GLIS3: variants seen among roughly 807,000 people sequenced by gnomAD.
GLIS3 encodes the protein zinc finger protein GLIS3.
Under a neutral mutation model 78.6 loss-of-function variants are expected in GLIS3, and 53 were observed. The observed-to-expected ratio is 0.67, with a 90% CI of 0.54 to 0.85. The LOEUF (loss-of-function observed/expected upper bound fraction) is 0.85, where lower values mean the gene tolerates loss of function less well. GLIS3 is among the 40% of genes least tolerant of loss of function. GLIS3 has a pLI of 0.00. For synonymous variants in GLIS3, 684 were observed against 509.9 expected, an observed-to-expected ratio of 1.34 and a Z score of -4.60; for missense variants, 1,703 against 1,231.1, an observed-to-expected ratio of 1.38 and a Z score of -5.74.
chr9:4,479,533 C>A, the GLIS3 span, among the ~76,000 whole-genome samples: 254 of 152,318 alleles, frequency 1.7e-3, 2 homozygotes, highest in African/African-American at 5.6e-3. Flanking sequence ...GGCCAGTTCA[C>A]AGAGGTTCCC....
At chr9:4,483,999 C>A in the GLIS3 span, among the ~76,000 whole-genome samples, 8 of 152,154 alleles carry the variant, frequency 5.3e-5, no homozygotes, top group African/African-American at 1.9e-4. Flanking sequence ...CTTAGAAGAG[C>A]GCCTGGTATA....
At chr9:4,253,072 G>A (rs534244186) in intron 2 of GLIS3, among the ~76,000 whole-genome samples, 7 of 152,362 alleles carry the variant, frequency 4.6e-5, no homozygotes, top group East Asian at 1.9e-4. Context: ...GGTGTCTCAC[G>A]ATTAGGAGGC....
chr9:4,270,884 G>C (rs963017428), intron 2 of GLIS3, among the ~76,000 whole-genome samples: 4 of 140,940 alleles, frequency 2.8e-5, no homozygotes, highest in Non-Finnish European at 6.0e-5. Context: ...CTCTCAATCT[G>C]TGTGGTGTGT....
chr9:3,948,729 A>C (rs539567358), intron 4 of GLIS3, among the ~76,000 whole-genome samples: 1 of 152,348 alleles, frequency 6.6e-6, no homozygotes, highest in Admixed American at 6.5e-5. Context: ...TGGCCTTTGC[A>C]TTGAATTTAA....
At chr9:4,165,989 GCA>G (rs988979264) in intron 2 of GLIS3, among the ~76,000 whole-genome samples, 1 of 152,176 alleles carries the variant, frequency 6.6e-6, no homozygotes, top group Non-Finnish European at 1.5e-5. Context: ...GGGGAACAGA[GCA>G]CAATATTTAA....
intron 2 of GLIS3, among the ~76,000 whole-genome samples, chr9:4,262,709 T>G (rs1386962810): frequency 1.3e-5 from 2 of 152,168 alleles, no homozygotes; most frequent in Non-Finnish European, 2.9e-5. Flanking sequence ...CTATGCAGCT[T>G]TTCTAACTTT....
chr9:3,891,162 T>G (rs1446068091), intron 7 of GLIS3, among the ~76,000 whole-genome samples: 1 of 152,034 alleles, frequency 6.6e-6, no homozygotes, highest in Non-Finnish European at 1.5e-5. Context: ...TCTCTAATTT[T>G]CAGAACTATA....
chr9:4,382,283 G>C, the GLIS3 span, among the ~76,000 whole-genome samples: 1 of 152,110 alleles, frequency 6.6e-6, no homozygotes, highest in Non-Finnish European at 1.5e-5. Context: ...CATTTCGTTT[G>C]TTCCAGAAGA....
intron 4 of GLIS3, among the ~76,000 whole-genome samples, chr9:4,090,413 A>T (rs1564031782): frequency 6.6e-6 from 1 of 152,136 alleles, no homozygotes; most frequent in Non-Finnish European, 1.5e-5. Flanking sequence ...CCAGGATGTG[A>T]CAAAGAATCT....
rs759931387 is a variant in GLIS3, at chr9:3,977,502, G to A, written c.1711-40313C>T. Among the ~76,000 whole-genome samples, 1 of 152,120 alleles carries A rather than the reference G, an allele frequency of 6.6e-6. No individual in the cohort carries two copies. Among genetic ancestry groups the A allele is most frequent in the Admixed American group, 6.5e-5 (1 of 15,278 alleles). On this transcript the variant is annotated intron_variant, in intron 4 of 10. Coordinates refer to ENST00000381971, the MANE Select transcript of GLIS3 (RefSeq NM_001042413.2). This position sits in a 1 kb window ranked among gnomAD's most constrained non-coding sequence, Gnocchi z 4.1. Reference sequence around the variant, plus strand: ...ATTTATTGAATTCCTTTTGGCACCCGGCACAGCTTAGCAATTTTGAGAGCC... The same window carrying A: ...ATTTATTGAATTCCTTTTGGCACCCAGCACAGCTTAGCAATTTTGAGAGCC...
chr9:3,937,446 G>C (rs1021462491), intron 4 of GLIS3, among the ~76,000 whole-genome samples: 4 of 152,148 alleles, frequency 2.6e-5, no homozygotes, highest in African/African-American at 9.7e-5. Context: ...TTATGTCAGA[G>C]AAAATTCACC....
At chr9:4,260,682 G>C (rs1439037095) in intron 2 of GLIS3, among the ~76,000 whole-genome samples, 1 of 152,028 alleles carries the variant, frequency 6.6e-6, no homozygotes, top group Non-Finnish European at 1.5e-5. Context: ...GGAGGCGGAG[G>C]TTGCAGTGAG....
At chr9:4,459,321 G>C in the GLIS3 span, among the ~76,000 whole-genome samples, 1 of 152,230 alleles carries the variant, frequency 6.6e-6, no homozygotes, top group South Asian at 2.1e-4. Context: ...GTAGATAGAG[G>C]ATACAGGAGG....
At chr9:4,084,639 G>A (rs1366459971) in intron 4 of GLIS3, among the ~76,000 whole-genome samples, 1 of 152,134 alleles carries the variant, frequency 6.6e-6, no homozygotes, top group Non-Finnish European at 1.5e-5. Context: ...GTAACAGAGT[G>A]TTCTTTGTTA....
At chr9:3,908,860 G>A (rs1189284750) in intron 6 of GLIS3, among the ~76,000 whole-genome samples, 2 of 151,972 alleles carry the variant, frequency 1.3e-5, no homozygotes, top group African/African-American at 4.8e-5. Flanking sequence ...AAATAATTAG[G>A]AAAGGGAAAA....
chr9:4,441,246 A>G, the GLIS3 span, among the ~76,000 whole-genome samples: 182 of 152,320 alleles, frequency 1.2e-3, 1 homozygote, highest in African/African-American at 4.1e-3. Context: ...TTACCATAAA[A>G]GCTTTCAGCT....
the GLIS3 span, among the ~76,000 whole-genome samples, chr9:4,390,559 T>A: frequency 8.2e-4 from 125 of 152,264 alleles, 1 homozygote; most frequent in African/African-American, 2.8e-3. Context: ...AAACTGCAAG[T>A]AGGGTTTATA....
intron 2 of GLIS3, among the ~76,000 whole-genome samples, chr9:4,337,111 G>A (rs1324735882): frequency 1.3e-5 from 2 of 152,296 alleles, no homozygotes; most frequent in South Asian, 2.1e-4. Context: ...TTGGCTTCTA[G>A]TGCACAAACA....
intron 4 of GLIS3, among the ~76,000 whole-genome samples, chr9:4,009,651 G>C (rs1821835804): frequency 6.6e-6 from 1 of 152,200 alleles, no homozygotes; most frequent in African/African-American, 2.4e-5. Flanking sequence ...AAGAATGGCA[G>C]TTCCAGAAGA....
Sources: allele counts gnomAD v4.1 joint callset (sites outside exome capture counted in the v4.1 genomes callset), GRCh38; gene constraint gnomAD v4.1.1; non-coding constraint Gnocchi (gnomAD v3.1); transcripts MANE v1.5; gene names NCBI Gene and HGNC (gene_info 2026-07-23, HGNC 2026-07-21).